SBF2: variants seen among roughly 807,000 people sequenced by gnomAD.
SBF2 encodes myotubularin-related protein 13.
In SBF2, 112 loss-of-function variants were observed where a neutral mutation model predicts 225.2. The observed-to-expected ratio is 0.50, with a 90% CI of 0.43 to 0.58. The LOEUF (loss-of-function observed/expected upper bound fraction) is 0.58. Among genes scored for constraint, SBF2 ranks in the 20% least tolerant of loss-of-function variants. The pLI is 0.00. For synonymous variants in SBF2, 763 were observed against 773.3 expected, an observed-to-expected ratio of 0.99 and a Z score of 0.22; for missense variants, 1,996 against 2,206.2, an observed-to-expected ratio of 0.90 and a Z score of 1.91.
chr11:10,152,949 T>C (rs1955285560), intron 2 of SBF2, among the ~76,000 whole-genome samples: 1 of 152,240 alleles, frequency 6.6e-6, no homozygotes, highest in Admixed American at 6.5e-5. Flanking sequence ...CAATAAAACA[T>C]GGCTGAAATA....
chr11:10,110,812 A>G (rs1244466157), intron 2 of SBF2, among the ~76,000 whole-genome samples: 1 of 152,176 alleles, frequency 6.6e-6, no homozygotes, highest in Non-Finnish European at 1.5e-5. Context: ...AAATCAGGAA[A>G]ATGGGTGATC....
intron 2 of SBF2, among the ~76,000 whole-genome samples, chr11:10,120,796 T>C (rs1161518288): frequency 6.6e-6 from 1 of 152,160 alleles, no homozygotes; most frequent in African/African-American, 2.4e-5. Flanking sequence ...ATTTTTGTAT[T>C]TTTAGTAGAG....
intron 32 of SBF2, among the ~76,000 whole-genome samples, chr11:9,805,518 A>T (rs1421910456): frequency 1.3e-5 from 2 of 152,142 alleles, no homozygotes; most frequent in Non-Finnish European, 2.9e-5. Context: ...GGAGCCACTG[A>T]AGGTTTTTGT....
intron 3 of SBF2, among the ~76,000 whole-genome samples, chr11:10,037,472 A>G (rs1268406145): frequency 1.3e-5 from 2 of 152,116 alleles, no homozygotes; most frequent in Non-Finnish European, 2.9e-5. Flanking sequence ...TTTAGTTCAA[A>G]GAGTTGGATT....
Position 9,839,628 on chromosome 11 carries a change from A to G in SBF2, c.3325T>C (p.Leu1109=). Residue 1109 remains leucine (L), a synonymous_variant, in exon 26 of 40, where the codon TTG becomes CTG. Coordinates refer to ENST00000256190, the MANE Select transcript of SBF2 (RefSeq NM_030962.4). ...KASEKSTMEQ[L]VEKACFRDYQ... ...TCTCTGAAACAAGCTTTTTCCACCA[A>G]CTGTTCCATTGTAGACTTCTCGGAG... The G allele has an allele frequency of 7.4e-6, 12 of 1,613,690 alleles. No individual in the cohort carries two copies. Among genetic ancestry groups the G allele is most frequent in the Non-Finnish European group, 1.0e-5 (12 of 1,179,882 alleles).
intron 2 of SBF2, among the ~76,000 whole-genome samples, chr11:10,156,123 C>T (rs1005389418): frequency 2.0e-5 from 3 of 152,224 alleles, no homozygotes; most frequent in African/African-American, 7.2e-5. Flanking sequence ...AGTGCCTGCT[C>T]CTGTTCCCTG....
intron 6 of SBF2, among the ~76,000 whole-genome samples, chr11:10,010,818 T>C (rs552657539): frequency 3.3e-5 from 5 of 152,336 alleles, no homozygotes; most frequent in African/African-American, 1.2e-4. Flanking sequence ...AATCTATAAA[T>C]TACTTTGGGC....
At chr11:9,961,609 CT>C (rs1462005374) in intron 16 of SBF2, 2 of 170,068 alleles carry the variant, frequency 1.2e-5, no homozygotes, top group Admixed American at 6.0e-5. Context: ...TTGTCCTCTG[CT>C]TGGACAACTG....
intron 29 of SBF2, among the ~76,000 whole-genome samples, chr11:9,813,112 A>G (rs955632728): frequency 6.6e-6 from 1 of 152,198 alleles, no homozygotes; most frequent in Non-Finnish European, 1.5e-5. Context: ...CCAACAGTGT[A>G]AACTAAGTCT....
intron 2 of SBF2, among the ~76,000 whole-genome samples, chr11:10,187,035 C>G (rs1280176641): frequency 6.6e-6 from 1 of 152,142 alleles, no homozygotes; most frequent in Non-Finnish European, 1.5e-5. Context: ...AAGCACACAT[C>G]TAGGGTTTAT....
intron 28 of SBF2, chr11:9,828,101 C>G (rs2133929465): frequency 8.0e-7 from 1 of 1,245,038 alleles, no homozygotes; most frequent in Non-Finnish European, 1.0e-6. Context: ...CATCAGTGCT[C>G]AGTTATAAAA....
intron 17 of SBF2, among the ~76,000 whole-genome samples, chr11:9,876,103 C>G (rs1434190798): frequency 6.6e-6 from 1 of 152,148 alleles, no homozygotes; most frequent in African/African-American, 2.4e-5. Flanking sequence ...CACATCCTCC[C>G]TTTCTCAACT....
chr11:10,261,736 A>G (rs1047523504), intron 1 of SBF2, among the ~76,000 whole-genome samples: 3 of 152,260 alleles, frequency 2.0e-5, no homozygotes, highest in Non-Finnish European at 2.9e-5. Context: ...GTATTCATCA[A>G]TAGAATGGAT....
intron 2 of SBF2, among the ~76,000 whole-genome samples, chr11:10,176,630 G>C (rs1956476033): frequency 6.6e-6 from 1 of 152,106 alleles, no homozygotes; most frequent in Non-Finnish European, 1.5e-5. Context: ...ACCCTCCCAA[G>C]ACTAAACCAG....
At chr11:9,979,695 G>A (rs753601621) in intron 13 of SBF2, among the ~76,000 whole-genome samples, 1 of 152,124 alleles carries the variant, frequency 6.6e-6, no homozygotes, top group South Asian at 2.1e-4. Flanking sequence ...TTTAATGTGT[G>A]ATGTATTTAG....
At chr11:10,055,118 T>C (rs570736259) in intron 2 of SBF2, among the ~76,000 whole-genome samples, 1 of 152,162 alleles carries the variant, frequency 6.6e-6, no homozygotes, top group African/African-American at 2.4e-5. Context: ...GCCAGGCTGG[T>C]CTGGAACTCC....
At chr11:9,790,771 T>A in intron 33 of SBF2, 88 bp from the exon 34 acceptor site, 1 of 1,045,982 alleles carries the variant, frequency 9.6e-7, no homozygotes, top group South Asian at 1.4e-5. Flanking sequence ...GATAAAAAAG[T>A]GGAATATTTT....
In SBF2 at chr11:9,789,356, C is replaced by A. The variant is rs945573981; in HGVS notation, c.4699-14G>T. The A allele has an allele frequency of 1.3e-6, 2 of 1,599,490 alleles. No individual in the cohort carries two copies. Among genetic ancestry groups the A allele is most frequent in the African/African-American group, 2.7e-5 (2 of 74,586 alleles). The stretch of plus-strand genomic sequence containing the variant: ...GGGCTTTAGAGCCTGTTAAAGAAAA[C>A]AGAAATATAGTTTCATCTTGACCCC... On this transcript the variant is annotated splice_polypyrimidine_tract_variant and intron_variant, in intron 34 of 39. Transcript: ENST00000256190.
intron 2 of SBF2, among the ~76,000 whole-genome samples, chr11:10,064,319 A>G (rs1950558190): frequency 6.6e-6 from 1 of 152,192 alleles, no homozygotes; most frequent in Non-Finnish European, 1.5e-5. Flanking sequence ...GGATTGTTTA[A>G]GCCCAAAAGT....
Sources: allele counts gnomAD v4.1 joint callset (sites outside exome capture counted in the v4.1 genomes callset), GRCh38; gene constraint gnomAD v4.1.1; transcripts MANE v1.5; gene names NCBI Gene and HGNC (gene_info 2026-07-23, HGNC 2026-07-21).